Variants in ANTXR1 observed in about 807,000 individuals in gnomAD.
ANTXR1 encodes the protein anthrax toxin receptor 1.
In ANTXR1, 19 loss-of-function variants were observed where a neutral mutation model predicts 78.1. The observed-to-expected ratio is 0.24, with a 90% CI of 0.17 to 0.36. The LOEUF (loss-of-function observed/expected upper bound fraction) is 0.36. Among genes scored for constraint, ANTXR1 ranks in the 10% least tolerant of loss-of-function variants. The pLI, the probability that ANTXR1 is intolerant of heterozygous loss-of-function variation, is 1.00. For missense variants in ANTXR1, 518 were observed against 718.6 expected, an observed-to-expected ratio of 0.72 and a Z score of 3.19; for synonymous variants, 273 against 260.5, an observed-to-expected ratio of 1.05 and a Z score of -0.46.
intron 10 of ANTXR1, among the ~76,000 whole-genome samples, chr2:69,110,166 A>T (rs1671933355): frequency 6.6e-6 from 1 of 152,208 alleles, no homozygotes; most frequent in African/African-American, 2.4e-5. Context: ...ACCTGTAGGA[A>T]AACAGGTGTT....
At chr2:69,021,215 G>A (rs575211358) in intron 1 of ANTXR1, among the ~76,000 whole-genome samples, 1 of 152,302 alleles carries the variant, frequency 6.6e-6, no homozygotes, top group Non-Finnish European at 1.5e-5. Context: ...TTTCACACGT[G>A]AGGAGACCGA....
intron 17 of ANTXR1, among the ~76,000 whole-genome samples, chr2:69,223,207 G>A (rs1035055692): frequency 1.2e-4 from 19 of 152,176 alleles, no homozygotes; most frequent in Admixed American, 2.0e-4. Flanking sequence ...TGGATAGGGA[G>A]GAAAGCTATA....
At position 69,014,041 on chromosome 2, in the gene ANTXR1, G is replaced by A. The variant is rs1273868281; in HGVS notation, c.152+390G>A. On this transcript the variant is annotated intron_variant, in intron 1 of 17. Transcript: ENST00000303714. The stretch of plus-strand genomic sequence containing the variant: ...AGGCACAGGCACTCCTAAAGTTAGA[G>A]GCTTGGGCATTTTAAAGCCAATCGT... 2.6e-5 allele frequency among the ~76,000 whole-genome samples: 4 copies of A among 152,342 alleles called. No individual in the cohort carries two copies. In the East Asian group the frequency reaches 7.7e-4, roughly 29 times the overall value.
chr2:69,131,737 A>G (rs1672753297), intron 12 of ANTXR1, among the ~76,000 whole-genome samples: 1 of 152,194 alleles, frequency 6.6e-6, no homozygotes, highest in Non-Finnish European at 1.5e-5. Context: ...CTGGCAGGAA[A>G]GAAAAGGAGC....
Position 69,036,648 on chromosome 2 carries a change from T to G in ANTXR1, c.153-3396T>G, listed in dbSNP as rs562406749. ...AGTAACCAGAATTTCAAAGATTAAT[T>G]TTTCTGGTTGTATGGACCAAAACAC... On this transcript the variant is annotated intron_variant, in intron 1 of 17. Coordinates refer to ENST00000303714, the MANE Select transcript of ANTXR1 (RefSeq NM_032208.3). 2.0e-5 allele frequency among the ~76,000 whole-genome samples: 3 copies of G among 152,272 alleles called. No homozygotes were observed. In the South Asian group the frequency reaches 6.2e-4, roughly 32 times the overall value.
intron 17 of ANTXR1, among the ~76,000 whole-genome samples, chr2:69,220,910 G>A (rs957156889): frequency 6.6e-6 from 1 of 152,176 alleles, no homozygotes; most frequent in South Asian, 2.1e-4. Context: ...AATAGAAAGG[G>A]TGATTGTATT....
chr2:69,071,470 T>C (rs749270533), intron 4 of ANTXR1, among the ~76,000 whole-genome samples: 2 of 152,260 alleles, frequency 1.3e-5, no homozygotes, highest in Non-Finnish European at 2.9e-5. Context: ...CACTAGGTGA[T>C]TGGACTTTTT....
intron 9 of ANTXR1, among the ~76,000 whole-genome samples, chr2:69,091,519 G>A (rs1671237208): frequency 6.6e-6 from 1 of 151,194 alleles, no homozygotes. Context: ...TAGAAATACT[G>A]GATTCTTATA....
chr2:69,137,685 A>C (rs957169118), intron 12 of ANTXR1, among the ~76,000 whole-genome samples: 79 of 149,618 alleles, frequency 5.3e-4, no homozygotes, highest in African/African-American at 1.9e-3. Context: ...GCTACTCAGG[A>C]GGCTGTGGTG....
At chr2:69,051,304 CT>C (rs1247869578) in intron 3 of ANTXR1, among the ~76,000 whole-genome samples, 2 of 152,028 alleles carry the variant, frequency 1.3e-5, no homozygotes, top group East Asian at 3.9e-4. Context: ...ATTCACTATA[CT>C]TTATTTCTTT....
At chr2:69,221,579 G>A (rs952728166) in intron 17 of ANTXR1, among the ~76,000 whole-genome samples, 15 of 151,982 alleles carry the variant, frequency 9.9e-5, no homozygotes, top group African/African-American at 2.9e-4. Context: ...TGACCCTGGA[G>A]TCACTGGATG....
At chr2:69,103,950 T>TTTC (rs1198152422) in intron 10 of ANTXR1, among the ~76,000 whole-genome samples, 1 of 151,768 alleles carries the variant, frequency 6.6e-6, no homozygotes, top group African/African-American at 2.4e-5. Context: ...TTTTTTTTTT[T>TTTC]TTTTGGAGAC....
intron 13 of ANTXR1, among the ~76,000 whole-genome samples, chr2:69,165,604 G>A (rs1226781219): frequency 1.3e-5 from 2 of 152,240 alleles, no homozygotes; most frequent in Non-Finnish European, 2.9e-5. Flanking sequence ...GGGACCACAA[G>A]GAATCACTAG....
intron 12 of ANTXR1, among the ~76,000 whole-genome samples, chr2:69,146,783 A>G (rs377323468): frequency 3.5e-4 from 53 of 152,100 alleles, no homozygotes; most frequent in African/African-American, 1.3e-3. Context: ...GGCAGGCACA[A>G]CTCCGCGAGG....
At chr2:69,228,784 G>A (rs950908903) in intron 17 of ANTXR1, among the ~76,000 whole-genome samples, 50 of 152,176 alleles carry the variant, frequency 3.3e-4, no homozygotes, top group African/African-American at 1.2e-3. Context: ...ATAGGAAAAA[G>A]GTGCATGTGT....
chr2:69,060,925 C>G (rs556808728), intron 3 of ANTXR1, among the ~76,000 whole-genome samples: 1 of 152,180 alleles, frequency 6.6e-6, no homozygotes, highest in East Asian at 1.9e-4. Flanking sequence ...GAAACAAAAG[C>G]ACAAAGACCA....
intron 12 of ANTXR1, among the ~76,000 whole-genome samples, chr2:69,149,663 A>G (rs1417406359): frequency 6.6e-6 from 1 of 152,150 alleles, no homozygotes; most frequent in Non-Finnish European, 1.5e-5. Flanking sequence ...AATGCTCACC[A>G]TGTTTTTTAC....
intron 6 of ANTXR1, among the ~76,000 whole-genome samples, chr2:69,075,133 T>C (rs1297059202): frequency 6.6e-6 from 1 of 152,208 alleles, no homozygotes; most frequent in East Asian, 1.9e-4. Flanking sequence ...AGGAGCTCTG[T>C]AAATGTTCTC....
At chr2:69,055,094 A>G (rs1670031359) in intron 3 of ANTXR1, among the ~76,000 whole-genome samples, 1 of 152,118 alleles carries the variant, frequency 6.6e-6, no homozygotes, top group Non-Finnish European at 1.5e-5. Context: ...AATTAACCTT[A>G]GTTGTTGTTA....
Sources: allele counts gnomAD v4.1 joint callset (sites outside exome capture counted in the v4.1 genomes callset), GRCh38; gene constraint gnomAD v4.1.1; transcripts MANE v1.5; gene names NCBI Gene and HGNC (gene_info 2026-07-23, HGNC 2026-07-21).